The following GRM8 variants were observed in gnomAD, a reference collection of about 807,000 sequenced individuals.
GRM8 encodes metabotropic glutamate receptor 8.
In GRM8, 47 loss-of-function variants were observed where a neutral mutation model predicts 87.2. The ratio of observed to expected loss-of-function variants is 0.54; its 90% CI spans 0.43 to 0.69. GRM8 has a LOEUF of 0.69. GRM8 is among the 30% of genes least tolerant of loss of function. GRM8 has a pLI of 0.00. For synonymous variants in GRM8, 396 were observed against 404.5 expected, an observed-to-expected ratio of 0.98 and a Z score of 0.25; for missense variants, 1,019 against 1,139.2, an observed-to-expected ratio of 0.89 and a Z score of 1.52.
chr7:126,826,885 T>G (rs1278115973), intron 6 of GRM8, among the ~76,000 whole-genome samples: 1 of 152,204 alleles, frequency 6.6e-6, no homozygotes, highest in Admixed American at 6.5e-5. Flanking sequence ...TTGAATTAAT[T>G]TTTGCATAAG....
At chr7:127,116,921 C>A (rs751953507) in intron 2 of GRM8, among the ~76,000 whole-genome samples, 1 of 152,080 alleles carries the variant, frequency 6.6e-6, no homozygotes, top group Non-Finnish European at 1.5e-5. Flanking sequence ...GAAAATGCTA[C>A]GTAATTTATC....
At chr7:126,724,676 C>T (rs1812766792) in intron 7 of GRM8, among the ~76,000 whole-genome samples, 1 of 151,458 alleles carries the variant, frequency 6.6e-6, no homozygotes, top group African/African-American at 2.4e-5. Flanking sequence ...AACTTAAGAA[C>T]ACTTTTATGT....
chr7:126,847,819 T>C (rs917366368), intron 6 of GRM8, among the ~76,000 whole-genome samples: 1 of 152,174 alleles, frequency 6.6e-6, no homozygotes, highest in Admixed American at 6.5e-5. Context: ...CGTAGACAAG[T>C]ATCAACTGTA....
chr7:126,881,145 C>A (rs1486476423), intron 6 of GRM8, among the ~76,000 whole-genome samples: 1 of 152,052 alleles, frequency 6.6e-6, no homozygotes, highest in Non-Finnish European at 1.5e-5. Context: ...TAGAATTCAT[C>A]CCAGAGTGTT....
intron 6 of GRM8, among the ~76,000 whole-genome samples, chr7:126,896,635 A>G (rs1801568089): frequency 6.6e-6 from 1 of 152,294 alleles, no homozygotes; most frequent in East Asian, 1.9e-4. Flanking sequence ...AAATAAACTG[A>G]CAGGTCTTCC....
At chr7:126,914,907 C>G (rs1803728981) in intron 3 of GRM8, among the ~76,000 whole-genome samples, 1 of 152,090 alleles carries the variant, frequency 6.6e-6, no homozygotes, top group Admixed American at 6.6e-5. Flanking sequence ...ATGTACCCCC[C>G]CAATCTAAAA....
In GRM8 at chr7:126,625,448, G is replaced by A. The variant is rs965918732; in HGVS notation, c.1358-15950C>T. 7.3e-5 allele frequency among the ~76,000 whole-genome samples: 11 copies of A among 151,348 alleles called. No homozygotes were observed. In the East Asian group the frequency reaches 9.7e-4, roughly 13 times the overall value. On this transcript the variant is annotated intron_variant, in intron 7 of 10. Transcript: ENST00000339582. ...TGGTGTGTTAAAAAAAAAAAGACAC[G>A]ACAAGAAATGTAGTTGAATAGCATT...
chr7:126,590,862 A>T (rs1174413134), intron 8 of GRM8, among the ~76,000 whole-genome samples: 1 of 152,180 alleles, frequency 6.6e-6, no homozygotes, highest in African/African-American at 2.4e-5. Flanking sequence ...TGTAAGAACT[A>T]CTAAAAGGTG....
intron 9 of GRM8, among the ~76,000 whole-genome samples, chr7:126,474,847 G>A (rs995634398): frequency 1.4e-4 from 21 of 152,120 alleles, no homozygotes; most frequent in African/African-American, 4.8e-4. Context: ...ATCAATTAAT[G>A]TGATACACCA....
chr7:127,212,237 G>A (rs1263653335), intron 2 of GRM8, among the ~76,000 whole-genome samples: 2 of 152,176 alleles, frequency 1.3e-5, no homozygotes, highest in Non-Finnish European at 1.5e-5. Context: ...GCCCTGCTTC[G>A]CTGTTTTTGA....
At chr7:126,895,821 A>G (rs1801491592) in intron 6 of GRM8, among the ~76,000 whole-genome samples, 9 of 152,052 alleles carry the variant, frequency 5.9e-5, no homozygotes, top group Admixed American at 5.3e-4. Flanking sequence ...AATGTGAAGA[A>G]TATTAAAATA....
chr7:126,748,400 A>G (rs1815968393), intron 7 of GRM8, among the ~76,000 whole-genome samples: 1 of 152,098 alleles, frequency 6.6e-6, no homozygotes, highest in Admixed American at 6.6e-5. Context: ...CAAGACCATC[A>G]AAAATATGAA....
At chr7:127,071,624 C>G (rs1162971919) in intron 3 of GRM8, among the ~76,000 whole-genome samples, 3 of 152,172 alleles carry the variant, frequency 2.0e-5, no homozygotes, top group Non-Finnish European at 4.4e-5. Context: ...CCTGGCAACT[C>G]AGACGTTTTT....
chr7:127,053,785 C>G (rs1819707111), intron 3 of GRM8, among the ~76,000 whole-genome samples: 1 of 69,508 alleles, frequency 1.4e-5, no homozygotes, highest in Admixed American at 1.7e-4. Context: ...GAGACTCTGT[C>G]TCAAAAAAAA....
intron 8 of GRM8, among the ~76,000 whole-genome samples, chr7:126,559,699 T>C (rs1368108406): frequency 6.6e-6 from 1 of 152,216 alleles, no homozygotes; most frequent in Non-Finnish European, 1.5e-5. Flanking sequence ...AAATGCTCAA[T>C]TGATTCTGTA....
chr7:127,229,797 G>A (rs1797567241), intron 2 of GRM8: 2 of 152,166 alleles, frequency 1.3e-5, no homozygotes, highest in African/African-American at 4.8e-5. Flanking sequence ...AACTGAGACA[G>A]TGTAGGTATG....
intron 6 of GRM8, among the ~76,000 whole-genome samples, chr7:126,856,169 A>T (rs1797664852): frequency 6.6e-6 from 1 of 152,064 alleles, no homozygotes; most frequent in Non-Finnish European, 1.5e-5. Flanking sequence ...GAACAGGCTT[A>T]TATGCAAAAT....
At chr7:127,035,449 C>T (rs888550997) in intron 3 of GRM8, among the ~76,000 whole-genome samples, 1 of 152,146 alleles carries the variant, frequency 6.6e-6, no homozygotes, top group East Asian at 1.9e-4. Context: ...CTTGGCTGGA[C>T]TTCAACTGAC....
chr7:126,533,043 G>A lies in GRM8; in HGVS notation c.2339C>T (p.Ala780Val), dbSNP rs1003890710. The change falls in exon 9 of 11, where the codon GCC (alanine) becomes GTC (valine). Residue 780 changes from alanine to valine, a missense_variant. Coordinates refer to ENST00000339582, the MANE Select transcript of GRM8 (RefSeq NM_000845.3). ...ATACATGGTAAATCCAATAGGTTTG[G>A]CTTCATTGAAAGTCTCTGGGACACC... ...TRGVPETFNE[A>V]KPIGFTMYTT... 1.9e-6 allele frequency: 3 copies of A among 1,613,404 alleles called. No individual in the cohort carries two copies. The highest frequency in any genetic ancestry group is 4.5e-5 in the East Asian group (2 of 44,814).
Sources: gnomAD v4.1 joint callset for allele counts (sites outside exome capture counted in the v4.1 genomes callset) on GRCh38, gnomAD v4.1.1 for gene constraint, MANE v1.5 for transcripts, NCBI Gene and HGNC (gene_info 2026-07-23, HGNC 2026-07-21) for gene names.